The following SLC39A12 variants were observed in gnomAD, a reference collection of about 807,000 sequenced individuals.
SLC39A12 encodes the protein solute carrier family 39 member 12, also known as zinc transporter ZIP12.
A neutral mutation model predicts 71.1 loss-of-function variants in SLC39A12; 63 were observed. The ratio of observed to expected loss-of-function variants is 0.89; its 90% CI spans 0.72 to 1.09. The LOEUF (loss-of-function observed/expected upper bound fraction) is 1.09. SLC39A12 is among the 50% of genes least tolerant of loss of function. SLC39A12 has a pLI of 0.00. For synonymous variants in SLC39A12, 351 were observed against 301.3 expected, an observed-to-expected ratio of 1.16 and a Z score of -1.71; for missense variants, 892 against 812.6, an observed-to-expected ratio of 1.10 and a Z score of -1.19.
At chr10:17,957,747 C>A (rs1201414267) in intron 2 of SLC39A12, among the ~76,000 whole-genome samples, 1 of 152,134 alleles carries the variant, frequency 6.6e-6, no homozygotes, top group African/African-American at 2.4e-5. Context: ...ATATCTATGT[C>A]CAGGGGAAGA....
chr10:17,953,191 A>G lies in SLC39A12; in HGVS notation c.-86A>G. Reference sequence around the variant, plus strand: ...GCTTTATTTTTCCCCTTTACCACAGAAATTCCTTTGGTTACAAGTTTACCC... The same window carrying G: ...GCTTTATTTTTCCCCTTTACCACAGGAATTCCTTTGGTTACAAGTTTACCC... On this transcript the variant is annotated splice_region_variant and 5_prime_UTR_variant, in exon 2 of 13. Coordinates refer to ENST00000377369, the MANE Select transcript of SLC39A12 (RefSeq NM_001145195.2). 6.7e-7 allele frequency: 1 copy of G among 1,485,426 alleles called. No individual in the cohort carries two copies. The highest frequency in any genetic ancestry group is 2.3e-5 in the East Asian group (1 of 43,942). 92.0% of individuals were successfully genotyped at this position (1,485,426 alleles called of 1,614,324 possible). A position where few individuals can be genotyped will look rare whatever the true frequency, so the allele number is the denominator to read the frequency against.
chr10:18,040,362 G>C (rs1837187142), intron 12 of SLC39A12, among the ~76,000 whole-genome samples: 1 of 152,100 alleles, frequency 6.6e-6, no homozygotes, highest in Admixed American at 6.6e-5. Context: ...CTCCATGCCG[G>C]GATGTGAGAT....
intron 12 of SLC39A12, among the ~76,000 whole-genome samples, chr10:18,008,338 G>A (rs1291006920): frequency 6.6e-6 from 1 of 152,128 alleles, no homozygotes; most frequent in African/African-American, 2.4e-5. Context: ...CACTCCTTAT[G>A]AGAATCTAAT....
chr10:17,965,814 A>G, intron 4 of SLC39A12, 124 bp downstream of exon 4: 1 of 787,464 alleles, frequency 1.3e-6, no homozygotes, highest in Non-Finnish European at 2.0e-6. Context: ...CATTTTTTAT[A>G]GAGTCATAAA....
chr10:18,027,796 G>A (rs1305330849), intron 12 of SLC39A12, among the ~76,000 whole-genome samples: 1 of 152,170 alleles, frequency 6.6e-6, no homozygotes, highest in Non-Finnish European at 1.5e-5. Flanking sequence ...AGGACAGAAT[G>A]GCAATTGCTC....
At chr10:17,984,662 A>G (rs1418964797) in intron 6 of SLC39A12, among the ~76,000 whole-genome samples, 1 of 152,220 alleles carries the variant, frequency 6.6e-6, no homozygotes, top group Non-Finnish European at 1.5e-5. Flanking sequence ...GTTACATTAG[A>G]ATGATAAAAG....
intron 12 of SLC39A12, among the ~76,000 whole-genome samples, chr10:18,028,628 C>T (rs752488613): frequency 6.6e-6 from 1 of 152,164 alleles, no homozygotes; most frequent in African/African-American, 2.4e-5. Context: ...CCTGATGGTT[C>T]TCCTAATTTC....
At chr10:17,983,100 G>A (rs534827082) in intron 6 of SLC39A12, among the ~76,000 whole-genome samples, 5 of 148,398 alleles carry the variant, frequency 3.4e-5, no homozygotes, top group South Asian at 2.2e-4. Flanking sequence ...CTTGGGAGAC[G>A]GAGCTTGCAG....
Position 18,042,902 on chromosome 10 carries a change from A to T in SLC39A12, c.*69A>T, listed in dbSNP as rs986094890. 1.5e-6 allele frequency: 2 copies of T among 1,321,454 alleles called. No individual in the cohort carries two copies. The allele number at this position is 1,321,454 out of a possible 1,614,324, so 81.9% of individuals were successfully genotyped here. ...TACTTTGTTTCTTTCATTGCACTCT[A>T]TAATGATTTTTAAATTAAGAATTTT... is the stretch of plus-strand genomic sequence containing the variant. On this transcript the variant is annotated 3_prime_UTR_variant, in exon 13 of 13. Transcript: ENST00000377369.
chr10:17,986,468 C>T (rs1835400461), intron 6 of SLC39A12, among the ~76,000 whole-genome samples: 1 of 152,094 alleles, frequency 6.6e-6, no homozygotes, highest in African/African-American at 2.4e-5. Flanking sequence ...GGGTCTCGTT[C>T]CTGGTTCATG....
intron 9 of SLC39A12, among the ~76,000 whole-genome samples, chr10:17,993,509 C>G (rs1342354287): frequency 6.6e-6 from 1 of 152,238 alleles, no homozygotes; most frequent in Non-Finnish European, 1.5e-5. Flanking sequence ...TAATTGCTGT[C>G]TGCATCACTG....
At chr10:18,019,025 T>C (rs982847018) in intron 12 of SLC39A12, among the ~76,000 whole-genome samples, 2 of 152,136 alleles carry the variant, frequency 1.3e-5, no homozygotes, top group Non-Finnish European at 2.9e-5. Flanking sequence ...GGCCTGGTGA[T>C]TTCTGTTTGG....
intron 12 of SLC39A12, among the ~76,000 whole-genome samples, chr10:18,039,128 A>G (rs1163943220): frequency 2.0e-4 from 31 of 152,260 alleles, no homozygotes; most frequent in Admixed American, 2.0e-3. Context: ...GACTAAGAAC[A>G]GCCAGGTGGC....
At chr10:17,952,743 T>A (rs1834435782) in intron 1 of SLC39A12, among the ~76,000 whole-genome samples, 1 of 152,162 alleles carries the variant, frequency 6.6e-6, no homozygotes, top group Non-Finnish European at 1.5e-5. Context: ...TGCTTCAGCC[T>A]CCCAAAGTGC....
At chr10:17,997,169 G>T (rs1158971809) in intron 10 of SLC39A12, among the ~76,000 whole-genome samples, 1 of 152,152 alleles carries the variant, frequency 6.6e-6, no homozygotes, top group Non-Finnish European at 1.5e-5. Context: ...GACATGTCCT[G>T]CTTCAGGCAT....
chr10:18,037,845 C>T (rs973200020), intron 12 of SLC39A12, among the ~76,000 whole-genome samples: 4 of 151,424 alleles, frequency 2.6e-5, no homozygotes, highest in Non-Finnish European at 5.9e-5. Flanking sequence ...CATCATGAAA[C>T]CCCATCTCTA....
chr10:18,025,499 T>C (rs556932314), intron 12 of SLC39A12, among the ~76,000 whole-genome samples: 13 of 152,312 alleles, frequency 8.5e-5, no homozygotes, highest in African/African-American at 3.1e-4. Context: ...TTTTTTGTCC[T>C]TGCGATAGTT....
intron 12 of SLC39A12, among the ~76,000 whole-genome samples, chr10:18,021,222 A>T (rs1247067204): frequency 2.0e-5 from 3 of 151,926 alleles, no homozygotes; most frequent in Non-Finnish European, 4.4e-5. Flanking sequence ...TTTATTGAAT[A>T]GAGAGGCCTT....
chr10:17,962,121 T>A (rs2130779976), intron 3 of SLC39A12, among the ~76,000 whole-genome samples: 1 of 152,306 alleles, frequency 6.6e-6, no homozygotes, highest in African/African-American at 2.4e-5. Context: ...TCAGCTGTCT[T>A]CTCCTGGGTC....
Sources: gnomAD v4.1 joint callset for allele counts (sites outside exome capture counted in the v4.1 genomes callset) on GRCh38, gnomAD v4.1.1 for gene constraint, MANE v1.5 for transcripts, NCBI Gene and HGNC (gene_info 2026-07-23, HGNC 2026-07-21) for gene names.